HIBADH: variants seen among roughly 807,000 people sequenced by gnomAD.
HIBADH encodes the protein 3-hydroxyisobutyrate dehydrogenase, mitochondrial.
HIBADH carries 25 observed loss-of-function variants against 36.1 expected under a neutral mutation model. That is an observed-to-expected ratio of 0.69 (90% CI 0.50 to 0.97). The LOEUF is 0.97. Ranked by LOEUF, HIBADH falls within the 50% of genes least tolerant of loss-of-function variation. HIBADH has a pLI of 0.00. For synonymous variants in HIBADH, 160 were observed against 149.5 expected, an observed-to-expected ratio of 1.07 and a Z score of -0.51; for missense variants, 421 against 418.0, an observed-to-expected ratio of 1.01 and a Z score of -0.06.
At chr7:27,573,317 ATC>A (rs1784655433) in intron 4 of HIBADH, among the ~76,000 whole-genome samples, 1 of 152,200 alleles carries the variant, frequency 6.6e-6, no homozygotes, top group East Asian at 1.9e-4. Flanking sequence ...CTGCCTAGCA[ATC>A]AGATCTGGTA....
rs933170763 is a variant in HIBADH at position 27,525,658 on chromosome 7, T to A, written c.*556A>T. 6.6e-6 allele frequency: 1 copy of A among 152,234 alleles called. No homozygotes were observed. Among genetic ancestry groups the A allele is most frequent in the Non-Finnish European group, 1.5e-5 (1 of 68,038 alleles). The allele number at this position is 152,234 out of a possible 1,614,324, so 9.4% of individuals were successfully genotyped here. ...GTTGGTGAGGGATATCCTACCATAT[T>A]GTGACGGAGTCCAAATAGAAAACAT... On this transcript the variant is annotated 3_prime_UTR_variant, in exon 8 of 8. Transcript: ENST00000265395.
chr7:27,587,511 G>C (rs1184857426), intron 4 of HIBADH, among the ~76,000 whole-genome samples: 4 of 151,412 alleles, frequency 2.6e-5, no homozygotes, highest in Non-Finnish European at 5.9e-5. Context: ...TAAATAAAAA[G>C]AAAAGAAGTG....
intron 1 of HIBADH, among the ~76,000 whole-genome samples, chr7:27,652,046 T>C (rs1786204310): frequency 2.0e-5 from 3 of 152,212 alleles, no homozygotes; most frequent in Admixed American, 2.0e-4. Flanking sequence ...AGTTAATATT[T>C]ACTGCAATTT....
At chr7:27,612,961 A>ATTTATATATATATTATATATATAT (rs1785348035) in intron 4 of HIBADH, among the ~76,000 whole-genome samples, 2 of 139,270 alleles carry the variant, frequency 1.4e-5, no homozygotes, top group Non-Finnish European at 3.1e-5. Flanking sequence ...TATATATATT[A>ATTTATATATATATTATATATATAT]TTTATATATA....
rs149903529 is a variant in HIBADH at position 27,525,883 on chromosome 7, T to C, written c.*331A>G. ...TGGGTTTCATCCTGTTGACAAAAGA[T>C]TTGGTTTTATTTGTAAAGTAAAGCA... is the stretch of plus-strand genomic sequence containing the variant. On this transcript the variant is annotated 3_prime_UTR_variant, in exon 8 of 8. Coordinates refer to ENST00000265395, the MANE Select transcript of HIBADH (RefSeq NM_152740.4). 62 of 158,578 alleles carry C rather than the reference T, an allele frequency of 3.9e-4. No homozygotes were observed. The highest frequency in any genetic ancestry group is 6.8e-4 in the Non-Finnish European group (49 of 72,492). The allele number at this position is 158,578 out of a possible 1,614,324, so 9.8% of individuals were successfully genotyped here.
At chr7:27,639,018 G>A (rs1415016691) in intron 2 of HIBADH, among the ~76,000 whole-genome samples, 1 of 152,148 alleles carries the variant, frequency 6.6e-6, no homozygotes, top group Non-Finnish European at 1.5e-5. Flanking sequence ...GAGTTACTGT[G>A]GAAGCAGTGT....
At chr7:27,635,086 A>ATGTGTGTGTG (rs3072901) in intron 2 of HIBADH, among the ~76,000 whole-genome samples, 5,211 of 149,738 alleles carry the variant, frequency 0.035, 107 homozygotes, top group South Asian at 0.08. Context: ...CTCTCTGTGC[A>ATGTGTGTGTG]TGTGTGTGTG....
intron 4 of HIBADH, among the ~76,000 whole-genome samples, chr7:27,569,506 T>G (rs1356439001): frequency 6.6e-6 from 1 of 152,134 alleles, no homozygotes; most frequent in East Asian, 1.9e-4. Flanking sequence ...GATATCTGGG[T>G]GGGCTATCTA....
chr7:27,544,949 G>A (rs1463116181), intron 4 of HIBADH, among the ~76,000 whole-genome samples: 1 of 152,164 alleles, frequency 6.6e-6, no homozygotes, highest in African/African-American at 2.4e-5. Flanking sequence ...TAATTCAGAG[G>A]TCTGTGGTAG....
intron 4 of HIBADH, among the ~76,000 whole-genome samples, chr7:27,609,930 C>T (rs1244579347): frequency 6.6e-6 from 1 of 151,960 alleles, no homozygotes; most frequent in Non-Finnish European, 1.5e-5. Context: ...GATTCTCCTG[C>T]CTCAGCCTCC....
chr7:27,555,241 G>A (rs1784374088), intron 4 of HIBADH, among the ~76,000 whole-genome samples: 1 of 151,682 alleles, frequency 6.6e-6, no homozygotes, highest in Non-Finnish European at 1.5e-5. Context: ...TTTAAGTGGG[G>A]AGAACTGTTC....
intron 7 of HIBADH, among the ~76,000 whole-genome samples, chr7:27,526,637 GA>G (rs1222672614): frequency 1.3e-5 from 2 of 151,580 alleles, no homozygotes; most frequent in African/African-American, 2.4e-5. Flanking sequence ...CAGATTTGAA[GA>G]AAAAAAATTT....
At chr7:27,662,320 G>C (rs1171946216) in intron 1 of HIBADH, among the ~76,000 whole-genome samples, 1 of 152,104 alleles carries the variant, frequency 6.6e-6, no homozygotes, top group Admixed American at 6.5e-5. Flanking sequence ...ACCAGGGGTC[G>C]CTGGGGTGAG....
chr7:27,525,787 A>C lies in HIBADH; in HGVS notation c.*427T>G, dbSNP rs1783887681. 1 of 152,448 alleles carries C rather than the reference A, an allele frequency of 6.6e-6. No homozygotes were observed. The highest frequency in any genetic ancestry group is 2.4e-5 in the African/African-American group (1 of 41,474). 9.4% of individuals were successfully genotyped at this position (152,448 alleles called of 1,614,324 possible). A position where few individuals can be genotyped will look rare whatever the true frequency, so the allele number is the denominator to read the frequency against. On this transcript the variant is annotated 3_prime_UTR_variant, in exon 8 of 8. Coordinates refer to ENST00000265395, the MANE Select transcript of HIBADH (RefSeq NM_152740.4). Reference sequence around the variant, plus strand: ...ACAGGACAAACTTCCTGATGGACACAGATAGTAATTCACTGCATTTCCCTT... The same window carrying C: ...ACAGGACAAACTTCCTGATGGACACCGATAGTAATTCACTGCATTTCCCTT...
intron 6 of HIBADH, among the ~76,000 whole-genome samples, chr7:27,533,138 T>TC (rs1784025872): frequency 2.0e-5 from 3 of 152,292 alleles, no homozygotes; most frequent in Admixed American, 2.0e-4. Flanking sequence ...ATTCCTTCCT[T>TC]CTTTCTAATC....
In HIBADH at chr7:27,632,541, G is replaced by A. The variant is rs1350977101; in HGVS notation, c.253-96C>T. Reference sequence around the variant, plus strand: ...CCACTTTTCATGCATGCCTATAACAGTGACAGTGCATAAAGACTAATCCTT... The same window carrying A: ...CCACTTTTCATGCATGCCTATAACAATGACAGTGCATAAAGACTAATCCTT... On this transcript the variant is annotated intron_variant, in intron 2 of 7. Coordinates refer to ENST00000265395, the MANE Select transcript of HIBADH (RefSeq NM_152740.4). 2.6e-5 allele frequency: 16 copies of A among 616,760 alleles called. No individual in the cohort carries two copies. The Admixed American group carries it at 3.6e-4, about 14-fold the overall frequency. The allele number at this position is 616,760 out of a possible 1,614,324, so 38.2% of individuals were successfully genotyped here.
chr7:27,607,917 T>C (rs1007272816), intron 4 of HIBADH, among the ~76,000 whole-genome samples: 1 of 152,220 alleles, frequency 6.6e-6, no homozygotes, highest in African/African-American at 2.4e-5. Context: ...TCTATTCTTT[T>C]AATATATGGA....
At chr7:27,630,534 A>G (rs992014887) in intron 3 of HIBADH, among the ~76,000 whole-genome samples, 1 of 152,144 alleles carries the variant, frequency 6.6e-6, no homozygotes, top group Non-Finnish European at 1.5e-5. Flanking sequence ...AATACTGAAG[A>G]AGAAAACAGA....
At chr7:27,632,658 T>C (rs1785767605) in intron 2 of HIBADH, among the ~76,000 whole-genome samples, 1 of 149,216 alleles carries the variant, frequency 6.7e-6, no homozygotes, top group African/African-American at 2.5e-5. Context: ...TTCTGTGAAA[T>C]CAAATCTATC....
Sources: gnomAD v4.1 joint callset for allele counts (sites outside exome capture counted in the v4.1 genomes callset) on GRCh38, gnomAD v4.1.1 for gene constraint, MANE v1.5 for transcripts, NCBI Gene and HGNC (gene_info 2026-07-23, HGNC 2026-07-21) for gene names.